The following DLG2 variants were observed in gnomAD, a reference collection of about 807,000 sequenced individuals.
DLG2 encodes disks large homolog 2.
A neutral mutation model predicts 132.5 loss-of-function variants in DLG2; 45 were observed. That is an observed-to-expected ratio of 0.34 (90% confidence interval 0.27 to 0.44). The LOEUF (loss-of-function observed/expected upper bound fraction) is 0.44, where lower values mean the gene tolerates loss of function less well. DLG2 is among the 20% of genes least tolerant of loss of function. The pLI is 1.00. For synonymous variants in DLG2, 424 were observed against 419.6 expected (o/e 1.01, Z -0.13); for missense variants, 1,045 against 1,196.9 (o/e 0.87, Z 1.87).
intron 6 of DLG2, among the ~76,000 whole-genome samples, chr11:84,543,238 G>A (rs1164996180): frequency 6.6e-6 from 1 of 152,062 alleles, no homozygotes; most frequent in African/African-American, 2.4e-5. Context: ...GTTACATATA[G>A]GTTGCAAATC....
At chr11:84,934,520 G>GT (rs1277703004) in intron 6 of DLG2, among the ~76,000 whole-genome samples, 50 of 39,142 alleles carry the variant, frequency 1.3e-3, no homozygotes, top group African/African-American at 3.9e-3. Context: ...TTTTTGTTTT[G>GT]TTTTGTTTTT....
chr11:84,312,324 A>G (rs1451812285), intron 7 of DLG2, among the ~76,000 whole-genome samples: 1 of 152,102 alleles, frequency 6.6e-6, no homozygotes, highest in Non-Finnish European at 1.5e-5. Context: ...CACACAAAAA[A>G]AGAAAGTAGC....
chr11:84,110,788 C>T (rs944495074), intron 9 of DLG2, among the ~76,000 whole-genome samples: 13 of 152,284 alleles, frequency 8.5e-5, no homozygotes, highest in African/African-American at 2.6e-4. Context: ...AATTATGCTC[C>T]CTGTAGTTGG....
At chr11:83,629,063 T>A (rs1566134573) in intron 19 of DLG2, among the ~76,000 whole-genome samples, 1 of 152,196 alleles carries the variant, frequency 6.6e-6, no homozygotes, top group Non-Finnish European at 1.5e-5. Context: ...GGTTACCTCA[T>A]ATCAGAGCTT....
At chr11:84,330,345 C>T (rs1567310200) in intron 7 of DLG2, among the ~76,000 whole-genome samples, 2 of 152,084 alleles carry the variant, frequency 1.3e-5, no homozygotes, top group Non-Finnish European at 2.9e-5. Flanking sequence ...CCATCACCAA[C>T]ATATCTACAG....
rs541548159 is a variant in DLG2, at chr11:84,296,198, C to CT, written c.520-44908dup. Among the ~76,000 whole-genome samples, 205 of 149,888 alleles carry CT rather than the reference C, an allele frequency of 1.4e-3. No homozygotes were observed. In the East Asian group the frequency reaches 0.014, roughly 10 times the overall value. On this transcript the variant is annotated intron_variant, in intron 7 of 27. Transcript: ENST00000376104. The stretch of plus-strand genomic sequence containing the variant: ...GAAAAAATTTTAGAGCAATGTTTGG[C>CT]TTTTTTTTTCAAAATTCCTCTTAGA...
chr11:85,492,399 C>A (rs1368872466), intron 3 of DLG2, among the ~76,000 whole-genome samples: 5 of 152,132 alleles, frequency 3.3e-5, no homozygotes, highest in Non-Finnish European at 5.9e-5. Context: ...AAACAAACCA[C>A]TAATATAGAG....
intron 6 of DLG2, among the ~76,000 whole-genome samples, chr11:85,003,416 A>AT (rs2058379735): frequency 6.6e-6 from 1 of 152,146 alleles, no homozygotes; most frequent in African/African-American, 2.4e-5. Flanking sequence ...TAAAATAATG[A>AT]TTTTTTATTT....
At chr11:85,469,913 C>G (rs1007175549) in intron 3 of DLG2, among the ~76,000 whole-genome samples, 9 of 152,180 alleles carry the variant, frequency 5.9e-5, no homozygotes, top group Non-Finnish European at 1.2e-4. Flanking sequence ...TGCCCTTCCT[C>G]TATTCCAAGG....
At chr11:83,505,518 A>G (rs760189369) in intron 21 of DLG2, among the ~76,000 whole-genome samples, 8 of 152,232 alleles carry the variant, frequency 5.3e-5, no homozygotes, top group Non-Finnish European at 1.0e-4. Context: ...CCCATTGGTG[A>G]GGACTCACAT....
intron 7 of DLG2, among the ~76,000 whole-genome samples, chr11:84,417,051 T>G (rs2098932125): frequency 6.6e-6 from 1 of 152,174 alleles, no homozygotes; most frequent in Non-Finnish European, 1.5e-5. Context: ...AAATGCAGAT[T>G]CCATGATTAG....
rs575941251 is a variant in DLG2 at position 84,617,464 on chromosome 11, T to C, written c.358-82733A>G. On this transcript the variant is annotated intron_variant, in intron 6 of 27. Transcript: ENST00000376104. ...AAACATATGTTTGCATGTGTCTTTA[T>C]AGTAGATTGATTTATAATCCCTTGA... is the stretch of plus-strand genomic sequence containing the variant. 7.6e-4 allele frequency among the ~76,000 whole-genome samples: 115 copies of C among 152,284 alleles called. 1 individual carries two copies. Among genetic ancestry groups the C allele is most frequent in the African/African-American group, 2.5e-3 (105 of 41,558 alleles).
At chr11:84,989,936 T>C (rs10898343) in intron 6 of DLG2, among the ~76,000 whole-genome samples, 109,089 of 152,132 alleles carry the variant, frequency 0.72, 40,355 homozygotes, top group East Asian at 0.92. Flanking sequence ...ATTGGACATC[T>C]AAACCTAGCA....
At chr11:84,114,633 G>A (rs771698545) in intron 9 of DLG2, among the ~76,000 whole-genome samples, 6 of 152,118 alleles carry the variant, frequency 3.9e-5, no homozygotes, top group Admixed American at 1.3e-4. Flanking sequence ...GCGGCTGCAC[G>A]GAGATTTTAA....
At chr11:85,318,907 A>G (rs2080867945) in intron 3 of DLG2, among the ~76,000 whole-genome samples, 1 of 151,870 alleles carries the variant, frequency 6.6e-6, no homozygotes, top group African/African-American at 2.4e-5. Flanking sequence ...TACAATGACT[A>G]CATAACAATT....
intron 6 of DLG2, among the ~76,000 whole-genome samples, chr11:84,728,882 G>A (rs1329672506): frequency 5.3e-5 from 8 of 152,146 alleles, no homozygotes; most frequent in Non-Finnish European, 1.0e-4. Context: ...TTGCATGGAG[G>A]TGTTTATAGT....
Position 85,607,935 on chromosome 11 carries a change from C to T in DLG2, c.-92-9147G>A, listed in dbSNP as rs957667486. On this transcript the variant is annotated intron_variant, in intron 2 of 27. Transcript: ENST00000376104. ...AACAGAAGAATGCTTAGGACTCTAA[C>T]AAGTTTTCGACAATGCTTCAGTAAA... Among the ~76,000 whole-genome samples the T allele has an allele frequency of 5.3e-5, 8 of 152,276 alleles. No individual in the cohort carries two copies. In the East Asian group the frequency reaches 1.4e-3, roughly 26 times the overall value.
chr11:84,536,993 A>G (rs2099357032), intron 6 of DLG2, among the ~76,000 whole-genome samples: 1 of 152,188 alleles, frequency 6.6e-6, no homozygotes, highest in Non-Finnish European at 1.5e-5. Flanking sequence ...ACATGCTGAT[A>G]AAGTCCTCCT....
At chr11:83,466,026 T>G (rs2090965351) in intron 26 of DLG2, among the ~76,000 whole-genome samples, 1 of 152,216 alleles carries the variant, frequency 6.6e-6, no homozygotes, top group Admixed American at 6.5e-5. Context: ...AAGAAGTTAT[T>G]TCACAAGTCC....
Sources: gnomAD v4.1 joint callset for allele counts (sites outside exome capture counted in the v4.1 genomes callset) on GRCh38, gnomAD v4.1.1 for gene constraint, MANE v1.5 for transcripts, NCBI Gene and HGNC (gene_info 2026-07-23, HGNC 2026-07-21) for gene names.